The following CPQ variants were observed in gnomAD, a reference collection of about 807,000 sequenced individuals.
CPQ encodes the protein carboxypeptidase Q.
Under a neutral mutation model 45.7 loss-of-function variants are expected in CPQ, and 37 were observed. The ratio of observed to expected loss-of-function variants is 0.81; its 90% CI spans 0.62 to 1.07. CPQ has a LOEUF of 1.07. Among genes scored for constraint, CPQ ranks in the 50% least tolerant of loss-of-function variants. The pLI is 0.00. For synonymous variants in CPQ, 186 were observed against 205.8 expected (o/e 0.90, Z 0.82); for missense variants, 537 against 572.9 (o/e 0.94, Z 0.64).
At chr8:97,011,566 A>G (rs1038443567) in intron 5 of CPQ, among the ~76,000 whole-genome samples, 1 of 152,182 alleles carries the variant, frequency 6.6e-6, no homozygotes, top group African/African-American at 2.4e-5. Context: ...TAAGAGCATT[A>G]ATTGGACATT....
intron 3 of CPQ, among the ~76,000 whole-genome samples, chr8:96,873,904 G>A (rs1468742334): frequency 6.6e-6 from 1 of 151,770 alleles, no homozygotes; most frequent in Non-Finnish European, 1.5e-5. Flanking sequence ...AAAGTGCTTG[G>A]TATCTTTTAT....
In CPQ at chr8:96,715,386, C is replaced by A. The variant is rs369283121; in HGVS notation, c.-34-69478C>A. 5.7e-4 allele frequency among the ~76,000 whole-genome samples: 86 copies of A among 152,202 alleles called. 1 individual carries two copies. Among genetic ancestry groups the A allele is most frequent in the African/African-American group, 2.0e-3 (82 of 41,450 alleles). On this transcript the variant is annotated intron_variant, in intron 1 of 7. Transcript: ENST00000220763. ...ACATCAGACAGGTGCCTCTTTCCAT[C>A]TCCAAGAATGTTGATTCTCTAAGTA...
chr8:96,943,293 G>C (rs1356381685), intron 4 of CPQ, among the ~76,000 whole-genome samples: 1 of 152,180 alleles, frequency 6.6e-6, no homozygotes, highest in Non-Finnish European at 1.5e-5. Context: ...AGGTGCATCT[G>C]TAGATGCGTG....
intron 1 of CPQ, among the ~76,000 whole-genome samples, chr8:96,678,599 A>G (rs1224216636): frequency 6.6e-6 from 1 of 152,012 alleles, no homozygotes; most frequent in Non-Finnish European, 1.5e-5. Flanking sequence ...TCCTTTTGAA[A>G]ATAGCCATTC....
At chr8:97,058,798 T>A (rs1810498400) in intron 6 of CPQ, among the ~76,000 whole-genome samples, 1 of 152,214 alleles carries the variant, frequency 6.6e-6, no homozygotes, top group African/African-American at 2.4e-5. Context: ...TGAGTCCCAC[T>A]ACTTCTATTA....
intron 3 of CPQ, among the ~76,000 whole-genome samples, chr8:96,848,810 C>T (rs1811733203): frequency 6.6e-6 from 1 of 152,066 alleles, no homozygotes; most frequent in Non-Finnish European, 1.5e-5. Context: ...AGTTTGCTGT[C>T]TAGATCCTCG....
intron 5 of CPQ, among the ~76,000 whole-genome samples, chr8:96,983,271 T>C (rs1813938676): frequency 6.6e-6 from 1 of 152,342 alleles, no homozygotes; most frequent in Non-Finnish European, 1.5e-5. Context: ...AGTCTATTAA[T>C]TTTCAGTCTT....
In CPQ at chr8:96,650,697, A is replaced by G. The variant is rs143211107; in HGVS notation, c.-35+5295A>G. Among the ~76,000 whole-genome samples the G allele has an allele frequency of 4.1e-3, 628 of 152,326 alleles. 9 individuals are homozygous for G. Among genetic ancestry groups the G allele is most frequent in the African/African-American group, 0.014 (592 of 41,574 alleles). On this transcript the variant is annotated intron_variant, in intron 1 of 7. Transcript: ENST00000220763. ...TCACATAAATGTAAAAGTAAAGCAG[A>G]TGGTATTTGAAGACCAAAAGAGCCA...
chr8:96,787,249 T>C (rs975099909), intron 2 of CPQ, among the ~76,000 whole-genome samples: 1 of 152,138 alleles, frequency 6.6e-6, no homozygotes, highest in Non-Finnish European at 1.5e-5. Flanking sequence ...GTATATGGTA[T>C]AAGATAAGGC....
intron 1 of CPQ, among the ~76,000 whole-genome samples, chr8:96,770,611 C>T (rs980644596): frequency 2.0e-5 from 3 of 151,450 alleles, no homozygotes; most frequent in African/African-American, 7.3e-5. Flanking sequence ...GCCCTTTTTA[C>T]ATATCCTGCA....
chr8:96,686,137 C>T (rs973284184), intron 1 of CPQ, among the ~76,000 whole-genome samples: 1 of 152,006 alleles, frequency 6.6e-6, no homozygotes, highest in African/African-American at 2.4e-5. Context: ...GGTAAATAAT[C>T]ATATAGTTTC....
intron 4 of CPQ, among the ~76,000 whole-genome samples, chr8:96,963,501 G>T (rs1042288837): frequency 6.6e-6 from 1 of 152,240 alleles, no homozygotes; most frequent in African/African-American, 2.4e-5. Flanking sequence ...GTGGGAGATC[G>T]TGCAGCTGCT....
At chr8:96,980,425 G>A (rs1386963281) in intron 5 of CPQ, among the ~76,000 whole-genome samples, 1 of 152,154 alleles carries the variant, frequency 6.6e-6, no homozygotes, top group Admixed American at 6.5e-5. Context: ...TAGCCACCGT[G>A]CCCAGCCTAA....
intron 5 of CPQ, among the ~76,000 whole-genome samples, chr8:96,996,343 A>C (rs891966353): frequency 6.6e-6 from 1 of 152,030 alleles, no homozygotes; most frequent in Non-Finnish European, 1.5e-5. Context: ...TTAAAAGCAC[A>C]GCCTACAAGA....
intron 1 of CPQ, among the ~76,000 whole-genome samples, chr8:96,705,164 G>T (rs1369694373): frequency 2.6e-5 from 4 of 152,128 alleles, no homozygotes; most frequent in African/African-American, 4.8e-5. Flanking sequence ...GCCTTTCTGA[G>T]TGGTTTTATT....
At chr8:96,779,111 C>A (rs564116859) in intron 1 of CPQ, among the ~76,000 whole-genome samples, 23 of 149,148 alleles carry the variant, frequency 1.5e-4, no homozygotes, top group African/African-American at 5.4e-4. Flanking sequence ...GAGTGACATA[C>A]ATGCAAAAGG....
At chr8:96,967,718 A>T (rs963473979) in intron 5 of CPQ, among the ~76,000 whole-genome samples, 1 of 152,212 alleles carries the variant, frequency 6.6e-6, no homozygotes, top group East Asian at 1.9e-4. Flanking sequence ...ATAAAGAGTA[A>T]TATTTCTTTT....
chr8:96,654,582 A>G (rs1405301467), intron 1 of CPQ, among the ~76,000 whole-genome samples: 1 of 152,144 alleles, frequency 6.6e-6, no homozygotes, highest in Non-Finnish European at 1.5e-5. Flanking sequence ...TTTGGGGGCA[A>G]GTAGGACACT....
intron 4 of CPQ, among the ~76,000 whole-genome samples, chr8:96,894,126 G>A (rs1454832866): frequency 6.6e-6 from 1 of 152,196 alleles, no homozygotes; most frequent in Non-Finnish European, 1.5e-5. Flanking sequence ...CTATTAACCA[G>A]TACAAACTAG....
Sources: gnomAD v4.1 joint callset for allele counts (sites outside exome capture counted in the v4.1 genomes callset) on GRCh38, gnomAD v4.1.1 for gene constraint, MANE v1.5 for transcripts, NCBI Gene and HGNC (gene_info 2026-07-23, HGNC 2026-07-21) for gene names.